ZFAND3: variants seen among roughly 807,000 people sequenced by gnomAD.
ZFAND3 encodes the protein zinc finger AN1-type containing 3, also known as AN1-type zinc finger protein 3.
A neutral mutation model predicts 29.6 loss-of-function variants in ZFAND3; 10 were observed. That is an observed-to-expected ratio of 0.34 (90% CI 0.21 to 0.57). The LOEUF (loss-of-function observed/expected upper bound fraction) is 0.57. Ranked by LOEUF, ZFAND3 falls within the 20% of genes least tolerant of loss-of-function variation. ZFAND3 has a pLI of 0.86. For missense variants in ZFAND3, 230 were observed against 304.5 expected (o/e 0.76, Z 1.82); for synonymous variants, 128 against 112.6 (o/e 1.14, Z -0.87).
At chr6:37,906,704 T>G (rs1402084456) in intron 1 of ZFAND3, among the ~76,000 whole-genome samples, 9 of 151,744 alleles carry the variant, frequency 5.9e-5, no homozygotes, top group Admixed American at 5.3e-4. Context: ...CTTTCTGTTT[T>G]TTTTTTTTTT....
intron 2 of ZFAND3, among the ~76,000 whole-genome samples, chr6:37,940,628 T>C (rs1204694517): frequency 6.6e-6 from 1 of 152,220 alleles, no homozygotes; most frequent in Non-Finnish European, 1.5e-5. Context: ...TGGCATCTGC[T>C]TCTGGGGAGG....
intron 2 of ZFAND3, among the ~76,000 whole-genome samples, chr6:38,035,076 TA>T (rs1278153882): frequency 1.3e-5 from 2 of 152,014 alleles, no homozygotes; most frequent in Non-Finnish European, 2.9e-5. Flanking sequence ...TCGGGGTTCA[TA>T]AATATAGGCC....
At chr6:37,992,627 A>G (rs955984830) in intron 2 of ZFAND3, among the ~76,000 whole-genome samples, 1 of 152,204 alleles carries the variant, frequency 6.6e-6, no homozygotes, top group Admixed American at 6.5e-5. Context: ...CATTGCCACA[A>G]TATTAAGAAA....
chr6:38,015,468 C>T (rs1763237156), intron 2 of ZFAND3, among the ~76,000 whole-genome samples: 1 of 152,130 alleles, frequency 6.6e-6, no homozygotes, highest in African/African-American at 2.4e-5. Flanking sequence ...TCTGGAAATG[C>T]TTGTTCAAAG....
chr6:38,152,326 A>C lies in ZFAND3; in HGVS notation c.621A>C (p.Lys207Asn). The C allele has an allele frequency of 6.2e-7, 1 of 1,611,052 alleles. No homozygotes were observed. Among genetic ancestry groups the C allele is most frequent in the African/African-American group, 1.3e-5 (1 of 74,900 alleles). ...GTGGCCGGGAGGAAGCCATCATGAA[A>C]ATGGTGAAGCTGGACCGGAAAGTGG... Reference protein sequence around the residue: ...MGRGREEAIMKMVKLDRKVGR... With the variant: ...MGRGREEAIMNMVKLDRKVGR... The change falls in exon 6 of 6, where the codon AAA (lysine) becomes AAC (asparagine). Residue 207 changes from lysine (K) to asparagine (N), a missense_variant. Transcript: ENST00000287218.
intron 1 of ZFAND3, among the ~76,000 whole-genome samples, chr6:37,871,081 C>G (rs752241227): frequency 3.3e-5 from 5 of 152,190 alleles, no homozygotes; most frequent in Non-Finnish European, 1.5e-5. Flanking sequence ...GCCCCATTCT[C>G]TCTTAGTTCT....
At chr6:38,063,161 G>A (rs1764275933) in intron 3 of ZFAND3, among the ~76,000 whole-genome samples, 1 of 152,120 alleles carries the variant, frequency 6.6e-6, no homozygotes, top group Non-Finnish European at 1.5e-5. Context: ...AGAATGTTCT[G>A]TGTTCTGTAT....
In ZFAND3 at chr6:37,934,600, A is replaced by G. The variant is rs545947894; in HGVS notation, c.112+4601A>G. Among the ~76,000 whole-genome samples, 468 of 150,704 alleles carry G rather than the reference A, an allele frequency of 3.1e-3. 3 individuals carry two copies. The highest frequency in any genetic ancestry group is 0.011 in the African/African-American group (446 of 41,140). ...TAATCCCAGGACTTTGGGAGGCCCC[A>G]GGTGGGTGGATGGATCATTTGAGGT... is the stretch of plus-strand genomic sequence containing the variant. On this transcript the variant is annotated intron_variant, in intron 2 of 5. Coordinates refer to ENST00000287218, the MANE Select transcript of ZFAND3 (RefSeq NM_021943.3).
chr6:37,971,123 A>G (rs924469082), intron 2 of ZFAND3, among the ~76,000 whole-genome samples: 8 of 152,060 alleles, frequency 5.3e-5, no homozygotes, highest in African/African-American at 1.9e-4. Flanking sequence ...TTTTTGTTTG[A>G]TTGTAATTTT....
At chr6:38,046,366 A>G (rs1763905095) in intron 2 of ZFAND3, among the ~76,000 whole-genome samples, 1 of 152,214 alleles carries the variant, frequency 6.6e-6, no homozygotes, top group Middle Eastern at 3.2e-3. Flanking sequence ...ATAATTTCAG[A>G]ATGGATAACT....
intron 2 of ZFAND3, among the ~76,000 whole-genome samples, chr6:37,939,203 A>G (rs1051071065): frequency 6.6e-6 from 1 of 152,234 alleles, no homozygotes; most frequent in African/African-American, 2.4e-5. Flanking sequence ...TCTGGAGGCC[A>G]GAAGTCTAAA....
At chr6:37,896,173 TTTTTTC>T (rs1765199316) in intron 1 of ZFAND3, among the ~76,000 whole-genome samples, 2 of 152,192 alleles carry the variant, frequency 1.3e-5, no homozygotes, top group Admixed American at 1.3e-4. Flanking sequence ...TATTTAAACC[TTTTTTC>T]TTTTTCTTTT....
chr6:38,024,244 G>A (rs1207360933), intron 2 of ZFAND3, among the ~76,000 whole-genome samples: 14 of 151,796 alleles, frequency 9.2e-5, no homozygotes, highest in Non-Finnish European at 1.6e-4. Flanking sequence ...AGGCCGAGGC[G>A]GGCAGATCAT....
At chr6:37,991,710 T>C (rs1342842428) in intron 2 of ZFAND3, among the ~76,000 whole-genome samples, 3 of 152,300 alleles carry the variant, frequency 2.0e-5, no homozygotes, top group East Asian at 1.9e-4. Context: ...TGGTGTACTT[T>C]TGTCTTCAGT....
At chr6:38,007,405 G>A (rs71569402) in intron 2 of ZFAND3, among the ~76,000 whole-genome samples, 1 of 151,828 alleles carries the variant, frequency 6.6e-6, no homozygotes, top group African/African-American at 2.4e-5. Flanking sequence ...AATTTGTCCG[G>A]CATGATGGTA....
At chr6:38,026,056 C>T (rs1429795989) in intron 2 of ZFAND3, among the ~76,000 whole-genome samples, 4 of 152,094 alleles carry the variant, frequency 2.6e-5, no homozygotes, top group African/African-American at 9.7e-5. Context: ...TAAATTGTAT[C>T]TCAATAAAGC....
chr6:37,980,304 A>G (rs982540778), intron 2 of ZFAND3, among the ~76,000 whole-genome samples: 1 of 152,002 alleles, frequency 6.6e-6, no homozygotes, highest in Non-Finnish European at 1.5e-5. Context: ...TTTAATGTAC[A>G]TTTTGTTTAA....
intron 2 of ZFAND3, among the ~76,000 whole-genome samples, chr6:38,041,635 T>A (rs1206304506): frequency 1.3e-4 from 1 of 7,826 alleles, no homozygotes; most frequent in African/African-American, 3.6e-4. Flanking sequence ...CTACTTTTTC[T>A]TCTTCTTCTT....
At chr6:37,918,799 A>C (rs1448091788) in intron 1 of ZFAND3, among the ~76,000 whole-genome samples, 4 of 152,144 alleles carry the variant, frequency 2.6e-5, no homozygotes, top group Non-Finnish European at 5.9e-5. Context: ...TATTTTCAAA[A>C]GCAACATTGT....
Sources: gnomAD v4.1 joint callset for allele counts (sites outside exome capture counted in the v4.1 genomes callset) on GRCh38, gnomAD v4.1.1 for gene constraint, MANE v1.5 for transcripts, NCBI Gene and HGNC (gene_info 2026-07-23, HGNC 2026-07-21) for gene names.